Variants in XKR9 observed in about 807,000 individuals in gnomAD.
The protein encoded by XKR9 is XK-related protein 9.
Under a neutral mutation model 32.0 loss-of-function variants are expected in XKR9, and 32 were observed. That is an observed-to-expected ratio of 1.00 (90% CI 0.76 to 1.34). The LOEUF (loss-of-function observed/expected upper bound fraction) is 1.34. Ranked by LOEUF, XKR9 falls within the 40% of genes most tolerant of loss-of-function variation. The pLI is 0.00. For synonymous variants in XKR9, 168 were observed against 143.4 expected (o/e 1.17, Z -1.22); for missense variants, 546 against 429.7 (o/e 1.27, Z -2.39).
chr8:70,679,399 A>G (rs1003736837), intron 2 of XKR9, among the ~76,000 whole-genome samples: 5 of 152,118 alleles, frequency 3.3e-5, no homozygotes, highest in Admixed American at 6.6e-5. Flanking sequence ...CTTCACAACA[A>G]CCCTATAAGG....
intron 2 of XKR9, among the ~76,000 whole-genome samples, chr8:70,741,851 T>G (rs1161319920): frequency 1.3e-5 from 2 of 152,208 alleles, no homozygotes; most frequent in Admixed American, 6.5e-5. Context: ...ATATGGTGGT[T>G]ATTTTGAGGA....
At chr8:70,873,197 A>G in the XKR9 span, among the ~76,000 whole-genome samples, 1 of 152,232 alleles carries the variant, frequency 6.6e-6, no homozygotes, top group Non-Finnish European at 1.5e-5. Flanking sequence ...GCACCAGGTC[A>G]TGCAAGAGCT....
the XKR9 span, among the ~76,000 whole-genome samples, chr8:70,896,775 T>C: frequency 6.6e-6 from 1 of 152,078 alleles, no homozygotes; most frequent in African/African-American, 2.4e-5. Flanking sequence ...TATATATTAA[T>C]GGGATGTATG....
the XKR9 span, among the ~76,000 whole-genome samples, chr8:70,880,715 C>G: frequency 3.3e-5 from 5 of 152,120 alleles, no homozygotes; most frequent in Non-Finnish European, 4.4e-5. Flanking sequence ...TTTATAGATT[C>G]AATGCCATCC....
intron 4 of XKR9, among the ~76,000 whole-genome samples, chr8:70,722,021 T>A (rs1199796180): frequency 6.6e-6 from 1 of 152,218 alleles, no homozygotes; most frequent in Non-Finnish European, 1.5e-5. Flanking sequence ...TTAGGTCTTC[T>A]TGTTGCATTG....
At chr8:70,698,219 T>A (rs1412739922) in intron 3 of XKR9, among the ~76,000 whole-genome samples, 1 of 151,894 alleles carries the variant, frequency 6.6e-6, no homozygotes, top group Admixed American at 6.5e-5. Flanking sequence ...TTTCTTGCCT[T>A]CTGCTAGCTT....
the XKR9 span, among the ~76,000 whole-genome samples, chr8:71,019,202 A>C: frequency 6.6e-6 from 1 of 151,996 alleles, no homozygotes; most frequent in Non-Finnish European, 1.5e-5. Context: ...TTATAGATGG[A>C]GAAAATAAGG....
chr8:71,032,514 A>C, the XKR9 span, among the ~76,000 whole-genome samples: 1 of 152,092 alleles, frequency 6.6e-6, no homozygotes, highest in Non-Finnish European at 1.5e-5. Context: ...AAAGCTAGAC[A>C]GATTTGGGAG....
the XKR9 span, among the ~76,000 whole-genome samples, chr8:70,981,657 A>C: frequency 4.0e-5 from 6 of 151,884 alleles, no homozygotes; most frequent in East Asian, 1.9e-4. Context: ...AGAGATTTTT[A>C]TCTTAGTTTG....
chr8:70,827,056 C>A, the XKR9 span, among the ~76,000 whole-genome samples: 1 of 152,054 alleles, frequency 6.6e-6, no homozygotes, highest in Admixed American at 6.6e-5. Context: ...TTGAGTAAAT[C>A]TACTGTAAAA....
At chr8:70,769,880 G>A (rs1013567190) in intron 2 of XKR9, among the ~76,000 whole-genome samples, 3 of 152,054 alleles carry the variant, frequency 2.0e-5, no homozygotes, top group Admixed American at 2.0e-4. Context: ...CATTGGGTTA[G>A]AACATGCTTC....
At chr8:70,755,369 G>C (rs1198589344) in intron 2 of XKR9, among the ~76,000 whole-genome samples, 1 of 152,140 alleles carries the variant, frequency 6.6e-6, no homozygotes, top group African/African-American at 2.4e-5. Context: ...CAGGGATCTA[G>C]AACTAGAAAT....
chr8:70,939,543 G>A, the XKR9 span, among the ~76,000 whole-genome samples: 1 of 152,044 alleles, frequency 6.6e-6, no homozygotes. Flanking sequence ...TGTATCTTCA[G>A]TGCTGGGCCT....
the XKR9 span, among the ~76,000 whole-genome samples, chr8:71,046,379 G>A: frequency 6.6e-6 from 1 of 152,198 alleles, no homozygotes; most frequent in Admixed American, 6.5e-5. Context: ...TCAAGCAGCA[G>A]TGTCCCTTCT....
At chr8:70,900,864 T>C in the XKR9 span, among the ~76,000 whole-genome samples, 9 of 152,116 alleles carry the variant, frequency 5.9e-5, no homozygotes, top group African/African-American at 2.2e-4. Flanking sequence ...TGTGTCCAAG[T>C]GTTCTCATTG....
downstream of XKR9, among the ~76,000 whole-genome samples, chr8:70,793,167 C>T (rs1807785886): frequency 6.6e-6 from 1 of 151,936 alleles, no homozygotes; most frequent in Non-Finnish European, 1.5e-5. Context: ...CTTCTCTTGC[C>T]ATTTATTAAA....
the XKR9 span, among the ~76,000 whole-genome samples, chr8:71,003,103 G>A: frequency 6.6e-6 from 1 of 152,236 alleles, no homozygotes; most frequent in Admixed American, 6.5e-5. Flanking sequence ...AAGCATTGCT[G>A]TGTTTTGAAT....
the XKR9 span, among the ~76,000 whole-genome samples, chr8:70,814,834 A>C: frequency 6.6e-6 from 1 of 152,222 alleles, no homozygotes; most frequent in South Asian, 2.1e-4. Context: ...GTACAATCTT[A>C]TGTCTAGAAA....
rs143177895 is a variant in XKR9 at position 70,734,606 on chromosome 8, A to T, written c.*182A>T. On this transcript the variant is annotated 3_prime_UTR_variant, in exon 5 of 5. Transcript: ENST00000408926. ...ATTAATTTCTCATTTGGTTTTGAAG[A>T]TCTTGAGTACTCAGATATCTTTCTA... 5.8e-4 allele frequency: 444 copies of T among 766,224 alleles called. 1 individual carries two copies. In the East Asian group the frequency reaches 0.011, roughly 18 times the overall value. The allele number at this position is 766,224 out of a possible 1,614,324, so 47.5% of individuals were successfully genotyped here. A position where few individuals can be genotyped will look rare whatever the true frequency, so the allele number is the denominator to read the frequency against.
Sources: allele counts gnomAD v4.1 joint callset (sites outside exome capture counted in the v4.1 genomes callset), GRCh38; gene constraint gnomAD v4.1.1; transcripts MANE v1.5; gene names NCBI Gene and HGNC (gene_info 2026-07-23, HGNC 2026-07-21).